The following CSMD3 variants were observed in gnomAD, a reference collection of about 807,000 sequenced individuals.
CSMD3 encodes the protein CUB and sushi domain-containing protein 3.
Under a neutral mutation model 435.2 loss-of-function variants are expected in CSMD3, and 177 were observed. The observed-to-expected ratio is 0.41, with a 90% CI of 0.36 to 0.46. The LOEUF (loss-of-function observed/expected upper bound fraction) is 0.46. CSMD3 is among the 20% of genes least tolerant of loss of function. The pLI is 0.34. For missense variants in CSMD3, 4,265 were observed against 4,504.6 expected (o/e 0.95, Z 1.52); for synonymous variants, 1,656 against 1,520.5 (o/e 1.09, Z -2.07).
intron 5 of CSMD3, among the ~76,000 whole-genome samples, chr8:113,039,139 A>G (rs1220276627): frequency 6.6e-6 from 1 of 152,162 alleles, no homozygotes; most frequent in Non-Finnish European, 1.5e-5. Flanking sequence ...ATATAACTCT[A>G]TAAATTTATT....
intron 8 of CSMD3, among the ~76,000 whole-genome samples, chr8:112,951,977 G>A (rs576861054): frequency 6.6e-5 from 10 of 151,700 alleles, no homozygotes; most frequent in African/African-American, 2.2e-4. Flanking sequence ...AAATATTCTA[G>A]AGGAGCCTAC....
intron 28 of CSMD3, among the ~76,000 whole-genome samples, chr8:112,516,032 T>C (rs901833164): frequency 2.0e-5 from 3 of 152,228 alleles, no homozygotes; most frequent in Non-Finnish European, 4.4e-5. Context: ...ATCTGAATAA[T>C]TGATTGAGTT....
At chr8:112,785,479 T>A (rs1226319484) in intron 13 of CSMD3, among the ~76,000 whole-genome samples, 1 of 152,062 alleles carries the variant, frequency 6.6e-6, no homozygotes, top group Non-Finnish European at 1.5e-5. Context: ...TATCTTCATT[T>A]ACATGCAATA....
intron 10 of CSMD3, among the ~76,000 whole-genome samples, chr8:112,873,033 C>G (rs2081180921): frequency 6.6e-6 from 1 of 152,118 alleles, no homozygotes; most frequent in African/African-American, 2.4e-5. Flanking sequence ...AAGTTATTTA[C>G]CACCTTTGAT....
chr8:112,747,298 C>T (rs571673477), intron 13 of CSMD3, among the ~76,000 whole-genome samples: 21 of 140,126 alleles, frequency 1.5e-4, no homozygotes, highest in Non-Finnish European at 2.3e-4. Context: ...CAAGAGTAGA[C>T]CTACTAAGTT....
intron 44 of CSMD3, among the ~76,000 whole-genome samples, chr8:112,336,058 G>C (rs1439307181): frequency 2.0e-5 from 3 of 151,896 alleles, no homozygotes; most frequent in Middle Eastern, 6.3e-3. Context: ...GACCACAGGC[G>C]CATGCCACCA....
chr8:113,092,952 T>C (rs1400087747), intron 5 of CSMD3, among the ~76,000 whole-genome samples: 1 of 152,146 alleles, frequency 6.6e-6, no homozygotes, highest in Non-Finnish European at 1.5e-5. Context: ...AACTAATTTA[T>C]GTAACTTCAG....
intron 3 of CSMD3, among the ~76,000 whole-genome samples, chr8:113,204,988 C>CTTT (rs111767659): frequency 2.7e-5 from 4 of 146,026 alleles, no homozygotes; most frequent in Non-Finnish European, 4.5e-5. Flanking sequence ...AGGGGAACTC[C>CTTT]TTTTTTTTTT....
intron 3 of CSMD3, among the ~76,000 whole-genome samples, chr8:113,252,364 T>G (rs112383150): frequency 6.6e-6 from 1 of 152,144 alleles, no homozygotes; most frequent in African/African-American, 2.4e-5. Flanking sequence ...TTGTCCAATT[T>G]TTTTTAAAGT....
chr8:112,600,177 G>T (rs912506207), intron 22 of CSMD3, among the ~76,000 whole-genome samples: 5 of 151,962 alleles, frequency 3.3e-5, no homozygotes, highest in African/African-American at 1.2e-4. Flanking sequence ...TCAAGACATG[G>T]ATTTAAATTC....
At chr8:112,994,571 T>A (rs1460855216) in intron 6 of CSMD3, among the ~76,000 whole-genome samples, 1 of 151,810 alleles carries the variant, frequency 6.6e-6, no homozygotes, top group Non-Finnish European at 1.5e-5. Flanking sequence ...CTATGGGATA[T>A]AATTATCACA....
At chr8:112,536,556 T>G (rs1389796886) in intron 27 of CSMD3, among the ~76,000 whole-genome samples, 1 of 152,090 alleles carries the variant, frequency 6.6e-6, no homozygotes, top group Non-Finnish European at 1.5e-5. Context: ...TAGGAACACT[T>G]TTACACTGTT....
At chr8:113,434,748 G>T (rs2094694913) in intron 1 of CSMD3, among the ~76,000 whole-genome samples, 1 of 152,142 alleles carries the variant, frequency 6.6e-6, no homozygotes, top group African/African-American at 2.4e-5. Context: ...AAATTAACGC[G>T]CCTTTCCTTT....
At chr8:112,300,904 T>C (rs1325857677) in intron 53 of CSMD3, among the ~76,000 whole-genome samples, 1 of 152,178 alleles carries the variant, frequency 6.6e-6, no homozygotes, top group Non-Finnish European at 1.5e-5. Flanking sequence ...ATGTGTCATA[T>C]TCTTAAACAG....
chr8:112,468,760 A>G lies in CSMD3; in HGVS notation c.5395+3831T>C, dbSNP rs183313065. Reference sequence around the variant, plus strand: ...AAATATATTTTATTGATAGATAAGTAGGATTTTTTAAATCCAAAAAGCCAA... The same window carrying G: ...AAATATATTTTATTGATAGATAAGTGGGATTTTTTAAATCCAAAAAGCCAA... On this transcript the variant is annotated intron_variant, in intron 32 of 70. Coordinates refer to ENST00000297405, the MANE Select transcript of CSMD3 (RefSeq NM_198123.2). Among the ~76,000 whole-genome samples the G allele has an allele frequency of 3.9e-5, 6 of 152,272 alleles. No individual in the cohort carries two copies. In the South Asian group the frequency reaches 6.2e-4, roughly 16 times the overall value.
At chr8:112,387,000 T>C (rs1165934880) in intron 36 of CSMD3, among the ~76,000 whole-genome samples, 2 of 152,186 alleles carry the variant, frequency 1.3e-5, no homozygotes, top group African/African-American at 4.8e-5. Context: ...TGTAAATTGA[T>C]ACAATAATGT....
chr8:112,956,485 A>G (rs1564147195), intron 7 of CSMD3, among the ~76,000 whole-genome samples: 1 of 152,146 alleles, frequency 6.6e-6, no homozygotes, highest in Non-Finnish European at 1.5e-5. Context: ...AATTATAAGT[A>G]GGAATCTACC....
intron 47 of CSMD3, among the ~76,000 whole-genome samples, chr8:112,316,057 T>C (rs1191638971): frequency 1.3e-5 from 2 of 151,788 alleles, no homozygotes; most frequent in Non-Finnish European, 3.0e-5. Context: ...ACTAACATAG[T>C]GGATTATGGC....
chr8:112,879,983 T>A lies in CSMD3; in HGVS notation c.1634-20717A>T, dbSNP rs146297147. ...ATATCTAATGTTGATGGCAGTTTGATGGTTGCAGCAAACCACCAAGGCATG... is the reference window on the plus strand; with the variant it reads ...ATATCTAATGTTGATGGCAGTTTGAAGGTTGCAGCAAACCACCAAGGCATG... On this transcript the variant is annotated intron_variant, in intron 10 of 70. Transcript: ENST00000297405. Among the ~76,000 whole-genome samples, 444 of 152,156 alleles carry A rather than the reference T, an allele frequency of 2.9e-3. 4 individuals are homozygous for A. The East Asian group carries it at 0.034, about 12-fold the overall frequency.
Sources: gnomAD v4.1 joint callset for allele counts (sites outside exome capture counted in the v4.1 genomes callset) on GRCh38, gnomAD v4.1.1 for gene constraint, MANE v1.5 for transcripts, NCBI Gene and HGNC (gene_info 2026-07-23, HGNC 2026-07-21) for gene names.